The following CORIN variants were observed in gnomAD, a reference collection of about 807,000 sequenced individuals.
CORIN encodes corin, serine peptidase, also known as atrial natriuretic peptide-converting enzyme.
In CORIN, 117 loss-of-function variants were observed where a neutral mutation model predicts 125.3. The observed-to-expected ratio is 0.93, with a 90% CI of 0.80 to 1.09. CORIN has a LOEUF of 1.09. Ranked by LOEUF, CORIN falls within the 50% of genes least tolerant of loss-of-function variation. The pLI, the probability that CORIN is intolerant of heterozygous loss-of-function variation, is 0.00. For synonymous variants in CORIN, 450 were observed against 466.4 expected, an observed-to-expected ratio of 0.96 and a Z score of 0.45; for missense variants, 1,253 against 1,306.7, an observed-to-expected ratio of 0.96 and a Z score of 0.63.
chr4:47,821,096 G>A (rs1215225139), intron 1 of CORIN, among the ~76,000 whole-genome samples: 1 of 152,002 alleles, frequency 6.6e-6, no homozygotes, highest in East Asian at 1.9e-4. Flanking sequence ...TTAGCCAGAT[G>A]TGGTGACGTG....
intron 5 of CORIN, among the ~76,000 whole-genome samples, chr4:47,731,997 G>T (rs1407071603): frequency 2.0e-5 from 3 of 152,322 alleles, no homozygotes; most frequent in Non-Finnish European, 2.9e-5. Flanking sequence ...TTCTTGAGAG[G>T]TGTAAGCAAG....
At chr4:47,633,575 C>T (rs1015971661) in intron 16 of CORIN, among the ~76,000 whole-genome samples, 2 of 152,134 alleles carry the variant, frequency 1.3e-5, no homozygotes, top group Non-Finnish European at 2.9e-5. Flanking sequence ...CCAGATATTT[C>T]CTTCTGGCTA....
intron 2 of CORIN, among the ~76,000 whole-genome samples, chr4:47,794,482 A>G (rs1257294006): frequency 2.6e-5 from 4 of 152,212 alleles, no homozygotes; most frequent in Non-Finnish European, 5.9e-5. Flanking sequence ...ATTTTCCATC[A>G]TATTAAGAAA....
chr4:47,631,259 C>T (rs1722793149), intron 16 of CORIN, among the ~76,000 whole-genome samples: 2 of 152,144 alleles, frequency 1.3e-5, no homozygotes. Context: ...CCCCAGGGCC[C>T]CTGTTAGGAA....
chr4:47,811,110 A>T (rs538000256), intron 1 of CORIN, among the ~76,000 whole-genome samples: 4 of 152,062 alleles, frequency 2.6e-5, no homozygotes, highest in Admixed American at 2.6e-4. Flanking sequence ...TACTGCAAAT[A>T]CCTCCTCCTA....
rs143738568 is a variant in CORIN at position 47,693,030 on chromosome 4, C to A, written c.853G>T (p.Gly285Trp). The change falls in exon 6 of 22, where the codon GGG becomes TGG. Residue 285 changes from glycine (G) to tryptophan (W), a missense_variant. Gly to Trp is a radical substitution (Grantham distance 184, BLOSUM62 -2). Transcript: ENST00000273857. ...TTGTAGCCATTACATTGCAGTTTCC[C>A]GGGGATGCAGATTCCACTGGCACAC... ...FLCASGICIP[G>W]KLQCNGYNDC... 1 of 1,613,624 alleles carries A rather than the reference C, an allele frequency of 6.2e-7. No homozygotes were observed. Among genetic ancestry groups the A allele is most frequent in the Admixed American group, 1.7e-5 (1 of 59,960 alleles).
chr4:47,638,586 A>G (rs1723118089), intron 16 of CORIN, among the ~76,000 whole-genome samples: 1 of 152,136 alleles, frequency 6.6e-6, no homozygotes, highest in Non-Finnish European at 1.5e-5. Flanking sequence ...TCCCCACACA[A>G]GCTCTCTCTT....
chr4:47,747,208 C>T (rs1728702201), intron 4 of CORIN, among the ~76,000 whole-genome samples: 1 of 151,936 alleles, frequency 6.6e-6, no homozygotes, highest in Non-Finnish European at 1.5e-5. Flanking sequence ...CCAATTGCAG[C>T]TGATCTCAAT....
At chr4:47,621,137 G>A (rs1432029874) in intron 19 of CORIN, among the ~76,000 whole-genome samples, 3 of 152,222 alleles carry the variant, frequency 2.0e-5, no homozygotes, top group African/African-American at 2.4e-5. Context: ...GTCCTTTGAT[G>A]TGGGAGGTCT....
At chr4:47,618,975 G>A (rs930943217) in intron 19 of CORIN, among the ~76,000 whole-genome samples, 4 of 152,180 alleles carry the variant, frequency 2.6e-5, no homozygotes, top group Admixed American at 2.6e-4. Context: ...AGGAGTATGG[G>A]TTGTGGTCAT....
chr4:47,601,779 G>T (rs1721457545), intron 20 of CORIN, among the ~76,000 whole-genome samples: 1 of 152,022 alleles, frequency 6.6e-6, no homozygotes, highest in African/African-American at 2.4e-5. Context: ...ATTGTTACAT[G>T]TGAGTTTTTT....
chr4:47,643,320 A>C, intron 14 of CORIN, 64 bp from the exon 15 acceptor site: 1 of 1,424,416 alleles, frequency 7.0e-7, no homozygotes, highest in South Asian at 1.4e-5. Flanking sequence ...TATCACTAAC[A>C]TGCATATCTT....
intron 12 of CORIN, among the ~76,000 whole-genome samples, chr4:47,658,336 C>T (rs1386985757): frequency 6.6e-6 from 1 of 152,240 alleles, no homozygotes; most frequent in African/African-American, 2.4e-5. Context: ...AGCTCTGCCC[C>T]TGTGGCTTTC....
chr4:47,605,402 T>C (rs1295827780), intron 19 of CORIN, among the ~76,000 whole-genome samples: 1 of 152,192 alleles, frequency 6.6e-6, no homozygotes, highest in Admixed American at 6.5e-5. Flanking sequence ...TTTTTGACTC[T>C]AACCACAAAG....
intron 16 of CORIN, among the ~76,000 whole-genome samples, chr4:47,629,188 T>A (rs4695257): frequency 0.26 from 39,765 of 152,110 alleles, 5,433 homozygotes; most frequent in Admixed American, 0.36. Context: ...CCTTCTCCAC[T>A]TCTCCCCAAC....
chr4:47,741,321 C>A (rs939934407), intron 5 of CORIN, among the ~76,000 whole-genome samples: 1 of 152,002 alleles, frequency 6.6e-6, no homozygotes, highest in African/African-American at 2.4e-5. Context: ...CTAACACTAA[C>A]AAGCACATGA....
At chr4:47,658,446 C>A (rs1390662570) in intron 12 of CORIN, among the ~76,000 whole-genome samples, 1 of 152,236 alleles carries the variant, frequency 6.6e-6, no homozygotes, top group African/African-American at 2.4e-5. Context: ...ATTCTGGAGT[C>A]TGGAGGGCAG....
intron 1 of CORIN, among the ~76,000 whole-genome samples, chr4:47,832,450 T>C (rs560419355): frequency 1.7e-3 from 241 of 146,022 alleles, no homozygotes; most frequent in Middle Eastern, 0.014. Flanking sequence ...CTTTTCTTTT[T>C]TTTTTTTTTT....
intron 1 of CORIN, among the ~76,000 whole-genome samples, chr4:47,817,114 T>C (rs1023042565): frequency 2.6e-5 from 4 of 152,046 alleles, no homozygotes; most frequent in African/African-American, 9.7e-5. Context: ...TCCACAGAGG[T>C]ATGGGACATT....
Sources: gnomAD v4.1 joint callset for allele counts (sites outside exome capture counted in the v4.1 genomes callset) on GRCh38, gnomAD v4.1.1 for gene constraint, MANE v1.5 for transcripts, NCBI Gene and HGNC (gene_info 2026-07-23, HGNC 2026-07-21) for gene names.